The following RFX3 variants were observed in gnomAD, a reference collection of about 807,000 sequenced individuals.
RFX3 encodes transcription factor RFX3.
A neutral mutation model predicts 98.6 loss-of-function variants in RFX3; 14 were observed. The ratio of observed to expected loss-of-function variants is 0.14; its 90% CI spans 0.09 to 0.22. The LOEUF is 0.22. Ranked by LOEUF, RFX3 falls within the 10% of genes least tolerant of loss-of-function variation. The pLI, the probability that RFX3 is intolerant of heterozygous loss-of-function variation, is 1.00. For missense variants in RFX3, 639 were observed against 926.9 expected, an observed-to-expected ratio of 0.69 and a Z score of 4.03; for synonymous variants, 383 against 328.4, an observed-to-expected ratio of 1.17 and a Z score of -1.80.
At chr9:3,507,135 GA>G (rs920045580) in intron 1 of RFX3, among the ~76,000 whole-genome samples, 1 of 151,740 alleles carries the variant, frequency 6.6e-6, no homozygotes, top group Non-Finnish European at 1.5e-5. Context: ...AATTTAAAAA[GA>G]TTAAGCATTT....
chr9:3,389,614 C>A (rs964187023), intron 2 of RFX3, among the ~76,000 whole-genome samples: 1 of 152,084 alleles, frequency 6.6e-6, no homozygotes, highest in Non-Finnish European at 1.5e-5. Context: ...AAATTCTAAA[C>A]TTTTTGAGTG....
At chr9:3,373,515 C>T (rs1488571455) in intron 2 of RFX3, among the ~76,000 whole-genome samples, 2 of 152,134 alleles carry the variant, frequency 1.3e-5, no homozygotes, top group Non-Finnish European at 2.9e-5. Context: ...TGTGTGGCTG[C>T]ACTTCATTTC....
chr9:3,323,210 GA>G (rs1831510096), intron 4 of RFX3, among the ~76,000 whole-genome samples: 1 of 152,122 alleles, frequency 6.6e-6, no homozygotes, highest in African/African-American at 2.4e-5. Context: ...ATATGCACAG[GA>G]ACATGGAGAA....
intron 1 of RFX3, chr9:3,400,193 C>A (rs117030645): frequency 1.0e-6 from 1 of 970,050 alleles, no homozygotes; most frequent in African/African-American, 1.8e-5. Context: ...GCCATACAGA[C>A]GCTGCACAAA....
chr9:3,237,716 A>G (rs1371117373), intron 15 of RFX3, among the ~76,000 whole-genome samples: 1 of 152,218 alleles, frequency 6.6e-6, no homozygotes, highest in Non-Finnish European at 1.5e-5. Flanking sequence ...TTTGTTGAGG[A>G]GAAAACTAAG....
At chr9:3,355,692 T>C (rs1472461214) in intron 2 of RFX3, among the ~76,000 whole-genome samples, 1 of 151,840 alleles carries the variant, frequency 6.6e-6, no homozygotes, top group East Asian at 1.9e-4. Context: ...TTAACCAAAA[T>C]GACTTTCACG....
intron 2 of RFX3, among the ~76,000 whole-genome samples, chr9:3,360,119 T>A (rs1056915264): frequency 6.6e-6 from 1 of 152,104 alleles, no homozygotes; most frequent in South Asian, 2.1e-4. Flanking sequence ...AACTGACACA[T>A]TTACTATTTG....
At chr9:3,482,230 TA>T (rs869030004) in intron 1 of RFX3, among the ~76,000 whole-genome samples, 371 of 143,098 alleles carry the variant, frequency 2.6e-3, no homozygotes, top group African/African-American at 3.5e-3. Flanking sequence ...AGTGTGAAAG[TA>T]AAAAAAAAAT....
At position 3,346,695 on chromosome 9, in the gene RFX3, T is replaced by C; in HGVS notation, c.187A>G (p.Ser63Gly). Reference protein sequence around the residue: ...YPAQVQYVEGSDTVYTNGAIR... With the variant: ...YPAQVQYVEGGDTVYTNGAIR... The stretch of plus-strand genomic sequence containing the variant: ...GCTCCATTGGTATAGACAGTATCGC[T>C]TCCTTCCACATACTGCACCTGAGCG... Residue 63 changes from serine (S) to glycine (G), a missense_variant, in exon 3 of 17, where the codon AGC becomes GGC. By Grantham distance (56) the Ser-to-Gly change is moderately conservative. Coordinates refer to ENST00000617270, the MANE Select transcript of RFX3 (RefSeq NM_001282116.2). 6.2e-7 allele frequency: 1 copy of C among 1,612,518 alleles called. No homozygotes were observed. Among genetic ancestry groups the C allele is most frequent in the Non-Finnish European group, 8.5e-7 (1 of 1,178,572 alleles).
intron 1 of RFX3, among the ~76,000 whole-genome samples, chr9:3,447,159 C>T (rs542586441): frequency 1.3e-4 from 20 of 151,894 alleles, no homozygotes; most frequent in Non-Finnish European, 2.5e-4. Flanking sequence ...CTCATTATAG[C>T]AATAACATTT....
chr9:3,322,319 T>C (rs529224492), intron 4 of RFX3, among the ~76,000 whole-genome samples: 65 of 152,224 alleles, frequency 4.3e-4, no homozygotes, highest in Non-Finnish European at 7.9e-4. Flanking sequence ...TATTCAGCAA[T>C]TGGATCTTGC....
chr9:3,368,463 TGA>T (rs1300832249), intron 2 of RFX3, among the ~76,000 whole-genome samples: 1 of 152,088 alleles, frequency 6.6e-6, no homozygotes, highest in Non-Finnish European at 1.5e-5. Context: ...TCAAGAGGAC[TGA>T]GAACAACATA....
intron 1 of RFX3, among the ~76,000 whole-genome samples, chr9:3,473,187 A>T (rs891900847): frequency 1.3e-5 from 2 of 152,216 alleles, no homozygotes; most frequent in Non-Finnish European, 2.9e-5. Flanking sequence ...CCCAAATCAA[A>T]GTAGGCACTA....
intron 2 of RFX3, among the ~76,000 whole-genome samples, chr9:3,360,113 G>C (rs1836238554): frequency 1.3e-5 from 2 of 152,018 alleles, no homozygotes; most frequent in South Asian, 4.1e-4. Context: ...TCTTTAAACT[G>C]ACACATTTAC....
intron 2 of RFX3, among the ~76,000 whole-genome samples, chr9:3,360,197 A>G (rs1042432229): frequency 2.0e-5 from 3 of 152,164 alleles, no homozygotes; most frequent in Non-Finnish European, 4.4e-5. Flanking sequence ...TCTCAATTTC[A>G]TTGCCTTTCC....
chr9:3,504,954 A>AT (rs1816747996), intron 1 of RFX3, among the ~76,000 whole-genome samples: 3 of 70,858 alleles, frequency 4.2e-5, no homozygotes, highest in African/African-American at 1.9e-4. Flanking sequence ...AATATAATAT[A>AT]TATTATATAT....
At chr9:3,275,970 T>TA (rs1396993275) in intron 8 of RFX3, among the ~76,000 whole-genome samples, 1 of 152,128 alleles carries the variant, frequency 6.6e-6, no homozygotes, top group East Asian at 1.9e-4. Flanking sequence ...GTTGTTTAAT[T>TA]ACATAAAAAA....
chr9:3,486,943 T>C (rs376752264), intron 1 of RFX3, among the ~76,000 whole-genome samples: 1 of 152,216 alleles, frequency 6.6e-6, no homozygotes, highest in Non-Finnish European at 1.5e-5. Flanking sequence ...TCAAAGACTC[T>C]AGAATTCTAC....
intron 1 of RFX3, among the ~76,000 whole-genome samples, chr9:3,415,144 AC>A (rs2032744654): frequency 7.3e-6 from 1 of 136,962 alleles, no homozygotes; most frequent in South Asian, 2.2e-4. Context: ...TTATCTATAT[AC>A]TATATATATT....
Sources: allele counts gnomAD v4.1 joint callset (sites outside exome capture counted in the v4.1 genomes callset), GRCh38; gene constraint gnomAD v4.1.1; transcripts MANE v1.5; gene names NCBI Gene and HGNC (gene_info 2026-07-23, HGNC 2026-07-21).